Variants in ABCC1 observed in about 807,000 individuals in gnomAD.
ABCC1 encodes the protein ATP binding cassette subfamily C member 1 (ABCC1 blood group), also known as multidrug resistance-associated protein 1.
Under a neutral mutation model 172.9 loss-of-function variants are expected in ABCC1, and 83 were observed. That is an observed-to-expected ratio of 0.48 (90% CI 0.40 to 0.58). The LOEUF (loss-of-function observed/expected upper bound fraction) is 0.58, where lower values mean the gene tolerates loss of function less well. ABCC1 is among the 20% of genes least tolerant of loss of function. The pLI, the probability that ABCC1 is intolerant of heterozygous loss-of-function variation, is 0.00. For missense variants in ABCC1, 1,817 were observed against 2,002.7 expected (o/e 0.91, Z 1.77); for synonymous variants, 937 against 825.2 (o/e 1.14, Z -2.32).
intron 1 of ABCC1, among the ~76,000 whole-genome samples, chr16:15,986,255 C>T (rs977793882): frequency 1.3e-5 from 2 of 151,744 alleles, no homozygotes; most frequent in Non-Finnish European, 2.9e-5. Flanking sequence ...TTTTCTGACT[C>T]AGATATTCCC....
chr16:16,135,630 A>G (rs1199966470), intron 28 of ABCC1, among the ~76,000 whole-genome samples: 2 of 151,766 alleles, frequency 1.3e-5, no homozygotes, highest in Admixed American at 6.6e-5. Flanking sequence ...TAGTTTTTGT[A>G]TTTTTAGTAG....
At chr16:16,040,008 C>T (rs2048911327) in intron 7 of ABCC1, among the ~76,000 whole-genome samples, 2 of 152,040 alleles carry the variant, frequency 1.3e-5, no homozygotes, top group Admixed American at 6.5e-5. Context: ...AGAACACAGG[C>T]GCAGGTTTTC....
At chr16:15,999,568 T>C (rs143651508) in intron 1 of ABCC1, among the ~76,000 whole-genome samples, 36 of 149,166 alleles carry the variant, frequency 2.4e-4, no homozygotes, top group African/African-American at 6.9e-4. Context: ...TGAGCTGAAA[T>C]CTCTCCATTG....
intron 16 of ABCC1, among the ~76,000 whole-genome samples, chr16:16,082,846 C>T (rs1042470071): frequency 2.0e-5 from 3 of 152,168 alleles, no homozygotes; most frequent in African/African-American, 7.2e-5. Context: ...TGGGATTTCT[C>T]TATGTTGTCC....
chr16:15,995,792 G>T (rs8054099), intron 1 of ABCC1, among the ~76,000 whole-genome samples: 15,966 of 151,674 alleles, frequency 0.11, 924 homozygotes, highest in Middle Eastern at 0.15. Flanking sequence ...GTCAGCCTCT[G>T]GAGTAGCTGG....
chr16:16,122,198 G>A (rs777113552), intron 24 of ABCC1, 24 bp downstream of exon 24: 1 of 1,613,006 alleles, frequency 6.2e-7, no homozygotes. Flanking sequence ...GCCTGCAGGA[G>A]CGGGTGGAGG....
At chr16:15,969,581 A>C (rs2046322909) in intron 1 of ABCC1, among the ~76,000 whole-genome samples, 1 of 137,564 alleles carries the variant, frequency 7.3e-6, no homozygotes, top group Non-Finnish European at 1.6e-5. Context: ...CATGTTGGCC[A>C]GGCTGGTCTC....
chr16:15,976,157 C>T (rs1266098145), intron 1 of ABCC1, among the ~76,000 whole-genome samples: 1 of 152,042 alleles, frequency 6.6e-6, no homozygotes, highest in Non-Finnish European at 1.5e-5. Flanking sequence ...ATCCCAGCTA[C>T]TCGGGAGGCT....
chr16:16,013,013 C>A (rs972081182), intron 3 of ABCC1, among the ~76,000 whole-genome samples: 1 of 152,026 alleles, frequency 6.6e-6, no homozygotes, highest in African/African-American at 2.4e-5. Context: ...TCATTTATGC[C>A]TCTGTCACCC....
rs569122253 is a variant in ABCC1 at position 15,954,500 on chromosome 16, G to A, written c.48+4701G>A. 6.6e-5 allele frequency among the ~76,000 whole-genome samples: 10 copies of A among 152,192 alleles called. No homozygotes were observed. The South Asian group carries it at 1.7e-3, about 25-fold the overall frequency. On this transcript the variant is annotated intron_variant, in intron 1 of 30. Transcript: ENST00000399410. ...GGATGGTGACATGACAGGGTGCAAG[G>A]TGGCAAGGTGAATGGCTTTGGGAGG...
intron 1 of ABCC1, among the ~76,000 whole-genome samples, chr16:15,972,227 A>C (rs2046385034): frequency 6.6e-6 from 1 of 152,130 alleles, no homozygotes; most frequent in Non-Finnish European, 1.5e-5. Flanking sequence ...CCCTTTCCCC[A>C]GCTGTTTTGC....
chr16:15,960,646 C>T (rs2046105932), intron 1 of ABCC1, among the ~76,000 whole-genome samples: 1 of 152,098 alleles, frequency 6.6e-6, no homozygotes, highest in Non-Finnish European at 1.5e-5. Context: ...GGGATGTCCA[C>T]AGAAGGCCTT....
intron 3 of ABCC1, among the ~76,000 whole-genome samples, chr16:16,012,709 G>A (rs879443058): frequency 8.3e-6 from 1 of 120,956 alleles, no homozygotes; most frequent in Admixed American, 7.8e-5. Context: ...TTCCTTTGAG[G>A]CAGAGTTTCG....
chr16:16,017,180 A>G (rs1339659071), intron 5 of ABCC1, among the ~76,000 whole-genome samples: 1 of 152,110 alleles, frequency 6.6e-6, no homozygotes, highest in Non-Finnish European at 1.5e-5. Context: ...AGAGATGGCC[A>G]CCGTTTCTGC....
chr16:15,992,571 T>C (rs2046904838), intron 1 of ABCC1, among the ~76,000 whole-genome samples: 2 of 152,174 alleles, frequency 1.3e-5, no homozygotes. Context: ...TGGCTAATTT[T>C]TGTATTTTTA....
intron 1 of ABCC1, among the ~76,000 whole-genome samples, chr16:15,982,402 G>T (rs559473019): frequency 3.3e-5 from 5 of 151,976 alleles, no homozygotes; most frequent in African/African-American, 4.8e-5. Flanking sequence ...AAGCAAACAC[G>T]TCCTTCTTCA....
chr16:16,060,566 A>G (rs68000263), intron 12 of ABCC1, among the ~76,000 whole-genome samples: 32,243 of 151,974 alleles, frequency 0.21, 3,860 homozygotes, highest in Middle Eastern at 0.34. Context: ...TCTGTCACCC[A>G]GGCTGAAGTG....
intron 5 of ABCC1, among the ~76,000 whole-genome samples, chr16:16,031,883 C>T (rs1025964441): frequency 1.3e-5 from 2 of 152,340 alleles, no homozygotes; most frequent in African/African-American, 2.4e-5. Flanking sequence ...GCATGTCTCT[C>T]TCTGGAGCCT....
chr16:15,951,286 C>T (rs926175904), intron 1 of ABCC1, among the ~76,000 whole-genome samples: 5 of 152,052 alleles, frequency 3.3e-5, no homozygotes, highest in Admixed American at 6.6e-5. Flanking sequence ...TGTATCAGGA[C>T]GTATTTTATT....
Sources: allele counts gnomAD v4.1 joint callset (sites outside exome capture counted in the v4.1 genomes callset), GRCh38; gene constraint gnomAD v4.1.1; transcripts MANE v1.5; gene names NCBI Gene and HGNC (gene_info 2026-07-23, HGNC 2026-07-21).